Variants in ZFP64 observed in about 807,000 individuals in gnomAD.
ZFP64 encodes the protein zinc finger protein 64.
ZFP64 carries 14 observed loss-of-function variants against 51.6 expected under a neutral mutation model. That is an observed-to-expected ratio of 0.27 (90% CI 0.18 to 0.42). The LOEUF (loss-of-function observed/expected upper bound fraction) is 0.42. ZFP64 is among the 10% of genes least tolerant of loss of function. ZFP64 has a pLI of 1.00. For synonymous variants in ZFP64, 375 were observed against 361.4 expected (o/e 1.04, Z -0.43); for missense variants, 754 against 906.8 (o/e 0.83, Z 2.16).
intron 5 of ZFP64, among the ~76,000 whole-genome samples, chr20:52,122,923 T>C (rs1979263952): frequency 6.6e-6 from 1 of 152,138 alleles, no homozygotes. Context: ...GTTGTTGAAA[T>C]GACAACAAAG....
chr20:52,158,697 C>T (rs1488108863), intron 5 of ZFP64, among the ~76,000 whole-genome samples: 2 of 152,208 alleles, frequency 1.3e-5, no homozygotes, highest in East Asian at 3.9e-4. Context: ...CAGAGTGAGA[C>T]TCCATCTCAA....
At chr20:52,103,222 G>T (rs1350287917) in intron 5 of ZFP64, among the ~76,000 whole-genome samples, 2 of 152,266 alleles carry the variant, frequency 1.3e-5, no homozygotes, top group South Asian at 2.1e-4. Context: ...CCTCAGTAAG[G>T]TTCCTCCAGC....
At chr20:52,180,206 C>T (rs1389650835) in intron 2 of ZFP64, among the ~76,000 whole-genome samples, 3 of 152,226 alleles carry the variant, frequency 2.0e-5, no homozygotes, top group Non-Finnish European at 2.9e-5. Context: ...TGGCTGCTGG[C>T]TGTCAGGGGC....
At chr20:52,097,740 G>A (rs2079005661) in intron 6 of ZFP64, among the ~76,000 whole-genome samples, 1 of 152,106 alleles carries the variant, frequency 6.6e-6, no homozygotes, top group Admixed American at 6.6e-5. Context: ...GATTACAGGT[G>A]TGAGCCACCA....
At chr20:52,091,070 G>T (rs1226156093) in intron 7 of ZFP64, among the ~76,000 whole-genome samples, 1 of 152,078 alleles carries the variant, frequency 6.6e-6, no homozygotes, top group Non-Finnish European at 1.5e-5. Context: ...TCTAGCCTAG[G>T]TGGCAGAACA....
intron 5 of ZFP64, among the ~76,000 whole-genome samples, chr20:52,123,879 G>A (rs113234697): frequency 9.9e-5 from 15 of 151,578 alleles, no homozygotes; most frequent in East Asian, 3.9e-4. Flanking sequence ...TCTTTTTTGG[G>A]GGGGGGAGGG....
At chr20:52,142,379 C>CAG (rs1555804625) in intron 5 of ZFP64, among the ~76,000 whole-genome samples, 1 of 74,836 alleles carries the variant, frequency 1.3e-5, no homozygotes, top group Non-Finnish European at 3.1e-5. Context: ...CACACACAGA[C>CAG]ACACACACAC....
chr20:52,097,211 G>T, intron 7 of ZFP64: 1 of 840,542 alleles, frequency 1.2e-6, no homozygotes, highest in Non-Finnish European at 2.1e-6. Context: ...TCATCTTCAT[G>T]TCACAGCCCT....
At chr20:52,104,739 A>G (rs1319014855) in intron 5 of ZFP64, 1 of 507,452 alleles carries the variant, frequency 2.0e-6, no homozygotes, top group South Asian at 1.5e-5. Context: ...CGCATTTGAA[A>G]CGTAACCCCA....
intron 5 of ZFP64, among the ~76,000 whole-genome samples, chr20:52,136,138 G>GAAC (rs991389452): frequency 4.8e-4 from 39 of 81,996 alleles, no homozygotes; most frequent in East Asian, 3.2e-3. Flanking sequence ...CCAAAAAAAA[G>GAAC]AACAACAACA....
At chr20:52,094,596 A>AAAATAAAATAAAATTAGCTGGGCG (rs2078964835) in intron 7 of ZFP64, among the ~76,000 whole-genome samples, 2 of 152,154 alleles carry the variant, frequency 1.3e-5, no homozygotes, top group African/African-American at 4.8e-5. Context: ...TCGTCACTAC[A>AAAATAAAATAAAATTAGCTGGGCG]AAATAAAATA....
At chr20:52,107,776 A>G (rs112602012) in intron 5 of ZFP64, among the ~76,000 whole-genome samples, 5 of 152,194 alleles carry the variant, frequency 3.3e-5, no homozygotes, top group Admixed American at 1.3e-4. Context: ...TTGATGGGCA[A>G]TTGGGCCTTT....
chr20:52,088,648 A>T, intron 7 of ZFP64: 2 of 1,614,028 alleles, frequency 1.2e-6, no homozygotes, highest in Non-Finnish European at 1.7e-6. Context: ...TGTCTCCTTC[A>T]AACACATAAG....
In ZFP64 at chr20:52,133,213, A is replaced by G. The variant is rs1979805197; in HGVS notation, c.763+26910T>C. Among the ~76,000 whole-genome samples the G allele has an allele frequency of 1.3e-5, 2 of 152,226 alleles. 1 individual carries two copies. The highest frequency in any genetic ancestry group is 1.3e-4 in the Admixed American group (2 of 15,280). Reference sequence around the variant, plus strand: ...TGTCAAAGGAACATACCTCAACATAATAATAGCCATATACGACAGACCCAC... The same window carrying G: ...TGTCAAAGGAACATACCTCAACATAGTAATAGCCATATACGACAGACCCAC... On this transcript the variant is annotated intron_variant, in intron 5 of 8. Coordinates refer to the ZFP64 transcript ENST00000361387.
intron 4 of ZFP64, 103 bp downstream of exon 4, chr20:52,164,592 C>T (rs965643773): frequency 5.2e-6 from 5 of 961,178 alleles, no homozygotes; most frequent in East Asian, 2.4e-5. Context: ...CCATAACAGC[C>T]AGTGACGTTT....
At chr20:52,086,420 G>C (rs6013383) in intron 8 of ZFP64, among the ~76,000 whole-genome samples, 1 of 151,562 alleles carries the variant, frequency 6.6e-6, no homozygotes, top group Non-Finnish European at 1.5e-5. Flanking sequence ...TTTCTTGAAA[G>C]AAGGAATCTC....
At chr20:52,155,392 T>TTCCCAA (rs1981235103) in intron 5 of ZFP64, among the ~76,000 whole-genome samples, 1 of 152,176 alleles carries the variant, frequency 6.6e-6, no homozygotes, top group African/African-American at 2.4e-5. Flanking sequence ...AAGGACCTCC[T>TTCCCAA]TCCCAAATCT....
Position 52,174,283 on chromosome 20 carries a change from C to T in ZFP64, c.287-8258G>A, listed in dbSNP as rs556583654. On this transcript the variant is annotated intron_variant, in intron 2 of 5. Coordinates refer to ENST00000216923, the MANE Select transcript of ZFP64 (RefSeq NM_018197.3). ...GGCGGATCACCTGAGGTCGGGAGTT[C>T]GAGACCAGCCTGGCCAACATGGCAA... Among the ~76,000 whole-genome samples, 464 of 151,216 alleles carry T rather than the reference C, an allele frequency of 3.1e-3. 1 individual carries two copies. Among genetic ancestry groups the T allele is most frequent in the African/African-American group, 0.01 (423 of 40,658 alleles).
At chr20:52,119,549 T>C (rs1201147450) in intron 5 of ZFP64, among the ~76,000 whole-genome samples, 2 of 94,552 alleles carry the variant, frequency 2.1e-5, no homozygotes, top group African/African-American at 9.0e-5. Flanking sequence ...TATATATATA[T>C]ATATACATAT....
Sources: gnomAD v4.1 joint callset for allele counts (sites outside exome capture counted in the v4.1 genomes callset) on GRCh38, gnomAD v4.1.1 for gene constraint, MANE v1.5 for transcripts, NCBI Gene and HGNC (gene_info 2026-07-23, HGNC 2026-07-21) for gene names.